RALGAPA1: variants seen among roughly 807,000 people sequenced by gnomAD.
The protein encoded by RALGAPA1 is Ral GTPase activating protein catalytic subunit alpha 1.
Under a neutral mutation model 269.6 loss-of-function variants are expected in RALGAPA1, and 52 were observed. The observed-to-expected ratio is 0.19, with a 90% CI of 0.15 to 0.24. The LOEUF is 0.24. Among genes scored for constraint, RALGAPA1 ranks in the 10% least tolerant of loss-of-function variants. The pLI is 1.00. For missense variants in RALGAPA1, 1,917 were observed against 3,013.9 expected, an observed-to-expected ratio of 0.64 and a Z score of 8.52; for synonymous variants, 817 against 1,008.3, an observed-to-expected ratio of 0.81 and a Z score of 3.60.
At chr14:35,808,151 T>G (rs2077503978) in intron 1 of RALGAPA1, among the ~76,000 whole-genome samples, 1 of 152,094 alleles carries the variant, frequency 6.6e-6, no homozygotes, top group South Asian at 2.1e-4. Flanking sequence ...TATATACAAT[T>G]CTCGAGAAGC....
intron 9 of RALGAPA1, among the ~76,000 whole-genome samples, chr14:35,749,387 T>G (rs2072458400): frequency 6.6e-6 from 1 of 152,168 alleles, no homozygotes; most frequent in Admixed American, 6.5e-5. Context: ...TAATGGAATT[T>G]TCACCAAGTC....
chr14:35,626,477 G>A (rs1374615884), intron 34 of RALGAPA1, among the ~76,000 whole-genome samples: 8 of 152,116 alleles, frequency 5.3e-5, no homozygotes. Flanking sequence ...TACAATGCCA[G>A]TGTTTTATAT....
intron 15 of RALGAPA1, 132 bp from the exon 16 acceptor site, chr14:35,721,981 G>T: frequency 1.5e-6 from 1 of 668,206 alleles, no homozygotes. Flanking sequence ...AAAACGCTGT[G>T]TACTGTAAGG....
intron 28 of RALGAPA1, among the ~76,000 whole-genome samples, chr14:35,656,449 A>G (rs990729902): frequency 1.3e-5 from 2 of 152,176 alleles, no homozygotes; most frequent in Admixed American, 6.5e-5. Flanking sequence ...CTGTTCCCCA[A>G]TGTATTGCAA....
intron 12 of RALGAPA1, among the ~76,000 whole-genome samples, chr14:35,736,526 G>C (rs2071008616): frequency 6.6e-6 from 1 of 152,048 alleles, no homozygotes; most frequent in Non-Finnish European, 1.5e-5. Context: ...AAAAATCAGT[G>C]AAAGAATCTG....
intron 35 of RALGAPA1, among the ~76,000 whole-genome samples, chr14:35,608,152 G>A (rs932458991): frequency 1.3e-5 from 2 of 152,098 alleles, no homozygotes; most frequent in African/African-American, 4.8e-5. Flanking sequence ...GAACCTTCAA[G>A]CTATTAGTCT....
intron 9 of RALGAPA1, 105 bp downstream of exon 9, chr14:35,750,377 G>A: frequency 1.7e-6 from 1 of 593,822 alleles, no homozygotes; most frequent in Non-Finnish European, 2.9e-6. Flanking sequence ...AAATAAAATA[G>A]CACTATTATT....
chr14:35,683,530 TA>T, intron 21 of RALGAPA1: 1 of 243,416 alleles, frequency 4.1e-6, no homozygotes, highest in Non-Finnish European at 8.0e-6. Context: ...ATGTTCCCAT[TA>T]AAATTTTTTT....
intron 16 of RALGAPA1, among the ~76,000 whole-genome samples, chr14:35,707,956 T>C (rs2067949359): frequency 6.6e-6 from 1 of 151,946 alleles, no homozygotes; most frequent in Non-Finnish European, 1.5e-5. Flanking sequence ...CAGAAATAAA[T>C]CTACACATCT....
At chr14:35,588,899 A>T (rs1257362546) in intron 37 of RALGAPA1, among the ~76,000 whole-genome samples, 1 of 152,256 alleles carries the variant, frequency 6.6e-6, no homozygotes, top group Non-Finnish European at 1.5e-5. Flanking sequence ...TGTGGTATAT[A>T]TATAAAATGG....
intron 35 of RALGAPA1, among the ~76,000 whole-genome samples, chr14:35,611,996 C>T (rs1370763359): frequency 6.6e-6 from 1 of 152,058 alleles, no homozygotes; most frequent in Non-Finnish European, 1.5e-5. Context: ...TAGTTAATTG[C>T]TTTTTGATAA....
chr14:35,690,275 G>C (rs1204107682), intron 17 of RALGAPA1, among the ~76,000 whole-genome samples: 2 of 152,136 alleles, frequency 1.3e-5, no homozygotes, highest in Non-Finnish European at 2.9e-5. Context: ...TGAAACATTT[G>C]GAAGTGCAGA....
intron 37 of RALGAPA1, among the ~76,000 whole-genome samples, chr14:35,584,003 A>G (rs2058114155): frequency 6.6e-6 from 1 of 152,184 alleles, no homozygotes; most frequent in African/African-American, 2.4e-5. Flanking sequence ...ATAAACTTGG[A>G]TCTACATGAT....
At chr14:35,785,087 C>T (rs972529083) in intron 1 of RALGAPA1, among the ~76,000 whole-genome samples, 3 of 152,150 alleles carry the variant, frequency 2.0e-5, no homozygotes, top group African/African-American at 7.2e-5. Context: ...ATGTCCAAAA[C>T]AGATAATTTC....
At chr14:35,644,847 T>C (rs1242259369) in intron 31 of RALGAPA1, among the ~76,000 whole-genome samples, 2 of 152,194 alleles carry the variant, frequency 1.3e-5, no homozygotes, top group African/African-American at 2.4e-5. Context: ...CAAAACACCA[T>C]GGCACTTGTC....
intron 4 of RALGAPA1, chr14:35,766,287 G>T (rs1319820952): frequency 1.5e-5 from 13 of 875,058 alleles, no homozygotes; most frequent in Non-Finnish European, 2.1e-5. Context: ...GGCTGAACAT[G>T]ACCCTACGGA....
At chr14:35,656,229 G>T (rs2063166559) in intron 28 of RALGAPA1, among the ~76,000 whole-genome samples, 1 of 152,122 alleles carries the variant, frequency 6.6e-6, no homozygotes, top group South Asian at 2.1e-4. Context: ...AATGTAACCT[G>T]CTTTCAAAAT....
chr14:35,756,986 C>CCAAATAAATTTTCAT, intron 6 of RALGAPA1, 78 bp from the exon 7 acceptor site: 1 of 1,257,382 alleles, frequency 8.0e-7, no homozygotes, highest in South Asian at 2.5e-5. Flanking sequence ...TAAACTTTAA[C>CCAAATAAATTTTCAT]TGCAAAATGA....
At chr14:35,641,861 A>G (rs1281875685) in intron 31 of RALGAPA1, among the ~76,000 whole-genome samples, 1 of 152,230 alleles carries the variant, frequency 6.6e-6, no homozygotes, top group Non-Finnish European at 1.5e-5. Context: ...CTACAGAGCC[A>G]TAATTATCAA....
Sources: allele counts gnomAD v4.1 joint callset (sites outside exome capture counted in the v4.1 genomes callset), GRCh38; gene constraint gnomAD v4.1.1; transcripts MANE v1.5; gene names NCBI Gene and HGNC (gene_info 2026-07-23, HGNC 2026-07-21).